The following CDC45 variants were observed in gnomAD, a reference collection of about 807,000 sequenced individuals.
The protein encoded by CDC45 is cell division cycle 45.
In CDC45, 54 loss-of-function variants were observed where a neutral mutation model predicts 77.8. That is an observed-to-expected ratio of 0.69 (90% confidence interval 0.56 to 0.87). The LOEUF is 0.87. Ranked by LOEUF, CDC45 falls within the 40% of genes least tolerant of loss-of-function variation. CDC45 has a pLI of 0.00. For synonymous variants in CDC45, 260 were observed against 272.1 expected, an observed-to-expected ratio of 0.96 and a Z score of 0.44; for missense variants, 649 against 721.6, an observed-to-expected ratio of 0.90 and a Z score of 1.15.
chr22:19,517,774 T>A (rs576565721), intron 17 of CDC45, among the ~76,000 whole-genome samples: 1 of 152,360 alleles, frequency 6.6e-6, no homozygotes, highest in African/African-American at 2.4e-5. Flanking sequence ...CCAGACAGAT[T>A]GGATTAGAGC....
chr22:19,508,782 G>A (rs956979650), intron 13 of CDC45, 91 bp downstream of exon 13: 9 of 1,262,748 alleles, frequency 7.1e-6, no homozygotes, highest in Non-Finnish European at 1.0e-5. Context: ...CAGGGCTGTG[G>A]GAGTGACTGT....
Position 19,505,240 on chromosome 22 carries a change from GA to G in CDC45, c.705-120del, listed in dbSNP as rs1196702169. ...CTGCATGTCCTTAGTCCCTGCATGG[GA>G]ACAGCTCCTGTGGTGAGCAGGCCCC... On this transcript the variant is annotated intron_variant, in intron 9 of 18. Coordinates refer to ENST00000263201, the MANE Select transcript of CDC45 (RefSeq NM_003504.5). 7.8e-6 allele frequency: 9 copies of G among 1,150,144 alleles called. No homozygotes were observed. The East Asian group carries it at 1.7e-4, about 22-fold the overall frequency. The allele number at this position is 1,150,144 out of a possible 1,614,324, so 71.2% of individuals were successfully genotyped here.
intron 7 of CDC45, among the ~76,000 whole-genome samples, chr22:19,496,743 C>T (rs998382384): frequency 1.3e-5 from 2 of 152,112 alleles, no homozygotes; most frequent in African/African-American, 2.4e-5. Context: ...GGAGGAAGCC[C>T]GCATCTCACG....
intron 13 of CDC45, among the ~76,000 whole-genome samples, chr22:19,510,894 G>A (rs1321710087): frequency 6.6e-6 from 1 of 152,154 alleles, no homozygotes; most frequent in Non-Finnish European, 1.5e-5. Flanking sequence ...CCATTCATAA[G>A]TTGATGGGCA....
chr22:19,494,551 C>A, intron 6 of CDC45, 169 bp downstream of exon 6: 1 of 1,550,470 alleles, frequency 6.4e-7, no homozygotes, highest in Non-Finnish European at 8.7e-7. Context: ...GAGAAGAGCT[C>A]CAGGTTGTTC....
At chr22:19,494,607 A>T (rs1001116214) in intron 6 of CDC45, 2 of 1,533,362 alleles carry the variant, frequency 1.3e-6, no homozygotes, top group Non-Finnish European at 1.8e-6. Context: ...TCCCAGGTAC[A>T]TGCCATCCAT....
At chr22:19,517,471 CTTA>C (rs926583356) in intron 17 of CDC45, among the ~76,000 whole-genome samples, 5 of 152,356 alleles carry the variant, frequency 3.3e-5, no homozygotes, top group East Asian at 3.9e-4. Context: ...TGTTGGCGTT[CTTA>C]TTATTGTTGA....
chr22:19,480,972 A>G lies in CDC45; in HGVS notation c.131A>G (p.His44Arg). ...CTCCAGGCCTTGTTCCAGTGTGACC[A>G]CGTGCAATATACGCTGGTTCCAGTT... ...KILQALFQCD[H>R]VQYTLVPVSG... The change falls in exon 3 of 19, where the codon CAC becomes CGC. Residue 44 changes from histidine to arginine, a missense_variant. Physicochemically the swap from His to Arg is conservative, Grantham distance 29 (BLOSUM62 0). Transcript: ENST00000263201. 6.2e-7 allele frequency: 1 copy of G among 1,612,822 alleles called. No individual in the cohort carries two copies. Among genetic ancestry groups the G allele is most frequent in the Non-Finnish European group, 8.5e-7 (1 of 1,179,188 alleles).
intron 13 of CDC45, among the ~76,000 whole-genome samples, chr22:19,514,451 C>G (rs1484912572): frequency 6.6e-6 from 1 of 152,166 alleles, no homozygotes; most frequent in East Asian, 1.9e-4. Context: ...AGCCCTTGCC[C>G]AAGCCTCCCC....
Position 19,486,180 on chromosome 22 carries a change from G to A in CDC45, c.486+2175G>A, listed in dbSNP as rs1438497296. ...AGGATTACAGGCATGCACTGCCACAGCCAGCCAGAAACCATGATATTCTAC... is the reference window on the plus strand; with the variant it reads ...AGGATTACAGGCATGCACTGCCACAACCAGCCAGAAACCATGATATTCTAC... On this transcript the variant is annotated intron_variant, in intron 5 of 18. Coordinates refer to ENST00000263201, the MANE Select transcript of CDC45 (RefSeq NM_003504.5). Among the ~76,000 whole-genome samples, 11 of 152,190 alleles carry A rather than the reference G, an allele frequency of 7.2e-5. No homozygotes were observed. The East Asian group carries it at 1.5e-3, about 21-fold the overall frequency.
intron 9 of CDC45, among the ~76,000 whole-genome samples, chr22:19,504,568 G>A (rs1933048716): frequency 6.6e-6 from 1 of 152,060 alleles, no homozygotes; most frequent in African/African-American, 2.4e-5. Flanking sequence ...CAAAGTGCTG[G>A]GATTACAGGC....
intron 9 of CDC45, among the ~76,000 whole-genome samples, chr22:19,500,885 A>G (rs1186995177): frequency 2.0e-5 from 3 of 152,064 alleles, no homozygotes. Context: ...GTCCTATAAC[A>G]CATTTTGGAG....
At chr22:19,506,829 G>A (rs1601969398) in intron 10 of CDC45, among the ~76,000 whole-genome samples, 1 of 152,146 alleles carries the variant, frequency 6.6e-6, no homozygotes, top group East Asian at 1.9e-4. Context: ...AGCTATTCGG[G>A]AGGCTGAGGC....
chr22:19,485,134 A>G (rs923600170), intron 5 of CDC45, among the ~76,000 whole-genome samples: 2 of 151,926 alleles, frequency 1.3e-5, no homozygotes, highest in African/African-American at 4.8e-5. Context: ...TTTTTTTTAT[A>G]TAGCATTCTT....
chr22:19,500,304 C>T (rs2090317816), intron 9 of CDC45, among the ~76,000 whole-genome samples: 1 of 151,976 alleles, frequency 6.6e-6, no homozygotes, highest in African/African-American at 2.4e-5. Flanking sequence ...AGGATCTGTA[C>T]CTGAAACTGT....
At chr22:19,502,908 CA>C (rs893832649) in intron 9 of CDC45, among the ~76,000 whole-genome samples, 1 of 152,006 alleles carries the variant, frequency 6.6e-6, no homozygotes, top group African/African-American at 2.4e-5. Context: ...AGAAAAGAGA[CA>C]GGGGTGATGG....
rs139078695 is a variant in CDC45, at chr22:19,482,824, C to G, written c.339C>G (p.Thr113=). Residue 113 remains threonine, a synonymous_variant, in exon 4 of 19, where the codon ACC becomes ACG. Coordinates refer to ENST00000263201, the MANE Select transcript of CDC45 (RefSeq NM_003504.5). ...ATGTCGTCAATGTATACAACGATACCCAGGTACTTTTTGTGCTATGCCCTC... is the reference window on the plus strand; with the variant it reads ...ATGTCGTCAATGTATACAACGATACGCAGGTACTTTTTGTGCTATGCCCTC... The part of the protein sequence containing the change: ...PVNVVNVYND[T]QIKLLIKQDD... 3 of 1,613,844 alleles carry G rather than the reference C, an allele frequency of 1.9e-6. No individual in the cohort carries two copies. In the East Asian group the frequency reaches 6.7e-5, roughly 36 times the overall value.
At chr22:19,502,855 T>C (rs766180664) in intron 9 of CDC45, among the ~76,000 whole-genome samples, 14 of 152,228 alleles carry the variant, frequency 9.2e-5, no homozygotes, top group Admixed American at 2.6e-4. Context: ...AGTGAGTCTT[T>C]TCTCAATACC....
chr22:19,511,161 G>C (rs1275621365), intron 13 of CDC45, among the ~76,000 whole-genome samples: 5 of 152,074 alleles, frequency 3.3e-5, no homozygotes, highest in Non-Finnish European at 5.9e-5. Context: ...ACCGACACTT[G>C]TTATTGTCCA....
Sources: gnomAD v4.1 joint callset for allele counts (sites outside exome capture counted in the v4.1 genomes callset) on GRCh38, gnomAD v4.1.1 for gene constraint, MANE v1.5 for transcripts, NCBI Gene and HGNC (gene_info 2026-07-23, HGNC 2026-07-21) for gene names.